ZNF569: variants seen among roughly 807,000 people sequenced by gnomAD.
ZNF569 encodes zinc finger protein 569, also known as DNA-binding protein.
A neutral mutation model predicts 56.3 loss-of-function variants in ZNF569; 38 were observed. That is an observed-to-expected ratio of 0.68 (90% CI 0.52 to 0.88). The LOEUF (loss-of-function observed/expected upper bound fraction) is 0.88. ZNF569 is among the 40% of genes least tolerant of loss of function. The probability of loss-of-function intolerance (pLI) is 0.00; values close to 1 mark genes in which losing one functional copy is unlikely to be tolerated. For synonymous variants in ZNF569, 241 were observed against 262.9 expected (o/e 0.92, Z 0.81); for missense variants, 666 against 809.2 (o/e 0.82, Z 2.15).
intron 3 of ZNF569, among the ~76,000 whole-genome samples, chr19:37,432,180 C>T (rs1345737521): frequency 6.6e-6 from 1 of 152,168 alleles, no homozygotes; most frequent in Non-Finnish European, 1.5e-5. Context: ...CTTCAGTGAA[C>T]ACAGGTGATA....
At chr19:37,425,999 T>A in intron 4 of ZNF569, 36 bp from the exon 5 acceptor site, 1 of 1,603,706 alleles carries the variant, frequency 6.2e-7, no homozygotes, top group South Asian at 1.1e-5. Context: ...TGGGCATACA[T>A]ACTAGGAACA....
intron 5 of ZNF569, among the ~76,000 whole-genome samples, chr19:37,421,199 G>T (rs956118856): frequency 6.6e-6 from 1 of 152,120 alleles, no homozygotes; most frequent in Non-Finnish European, 1.5e-5. Flanking sequence ...AGGGCCCTAG[G>T]ATTTTCAGAA....
At chr19:37,440,458 G>C (rs1214600502) in intron 3 of ZNF569, among the ~76,000 whole-genome samples, 1 of 152,102 alleles carries the variant, frequency 6.6e-6, no homozygotes, top group East Asian at 1.9e-4. Context: ...TGGGTATGGG[G>C]TTTTATTTTG....
chr19:37,446,031 C>T (rs2041487450), intron 2 of ZNF569, among the ~76,000 whole-genome samples: 1 of 152,114 alleles, frequency 6.6e-6, no homozygotes, highest in African/African-American at 2.4e-5. Flanking sequence ...GGAGGCATTA[C>T]ATTATCTGAC....
chr19:37,461,836 T>A (rs1469709766), intron 2 of ZNF569, among the ~76,000 whole-genome samples: 1 of 152,200 alleles, frequency 6.6e-6, no homozygotes, highest in South Asian at 2.1e-4. Flanking sequence ...CTTTGCTTCA[T>A]GAAACCAACA....
chr19:37,468,556 C>T (rs996975883), upstream of ZNF569, among the ~76,000 whole-genome samples: 4 of 152,156 alleles, frequency 2.6e-5, no homozygotes, highest in South Asian at 4.1e-4. Flanking sequence ...AGTGCAGTGG[C>T]GCGATCTCGG....
chr19:37,452,071 TTGTGTAGCCTCTA>T (rs1264634569), intron 2 of ZNF569, among the ~76,000 whole-genome samples: 3 of 152,204 alleles, frequency 2.0e-5, no homozygotes, highest in Admixed American at 6.5e-5. Flanking sequence ...TCTTTCTCTT[TTGTGTAGCCTCTA>T]TGGGTAATTT....
At chr19:37,441,843 C>T (rs2041412072) in intron 3 of ZNF569, among the ~76,000 whole-genome samples, 1 of 152,086 alleles carries the variant, frequency 6.6e-6, no homozygotes, top group Admixed American at 6.5e-5. Context: ...ATTCATCAGC[C>T]ACTGAATGTC....
At chr19:37,464,225 T>C (rs1361878205) in intron 2 of ZNF569, among the ~76,000 whole-genome samples, 1 of 152,194 alleles carries the variant, frequency 6.6e-6, no homozygotes, top group East Asian at 1.9e-4. Context: ...AGTCTCACTC[T>C]GTTGCCCAGG....
intron 3 of ZNF569, among the ~76,000 whole-genome samples, chr19:37,427,161 A>G (rs1600303939): frequency 6.6e-6 from 1 of 152,134 alleles, no homozygotes; most frequent in Admixed American, 6.5e-5. Flanking sequence ...TACAAAAAAT[A>G]CAAAAATTAG....
At chr19:37,439,821 C>T (rs1350335455) in intron 3 of ZNF569, among the ~76,000 whole-genome samples, 1 of 152,188 alleles carries the variant, frequency 6.6e-6, no homozygotes, top group Non-Finnish European at 1.5e-5. Context: ...ACAAAGCTCA[C>T]ATGTTCTCAC....
At chr19:37,437,906 T>C (rs1246781604) in intron 3 of ZNF569, among the ~76,000 whole-genome samples, 1 of 120,612 alleles carries the variant, frequency 8.3e-6, no homozygotes, top group Non-Finnish European at 2.1e-5. Context: ...CCTAAAGCAA[T>C]CTATAGATTC....
In ZNF569 at chr19:37,444,903, T is replaced by C. The variant is rs1240236991; in HGVS notation, c.15+4A>G. 2 of 1,606,762 alleles carry C rather than the reference T, an allele frequency of 1.2e-6. No individual in the cohort carries two copies. Among genetic ancestry groups the C allele is most frequent in the South Asian group, 2.2e-5 (2 of 89,604 alleles). On this transcript the variant is annotated splice_donor_region_variant and intron_variant, in intron 3 of 5. Transcript: ENST00000316950. ...AAGAAACAAATACACTATTTAACAT[T>C]TACCTGGGACTCAGTCATTTCCTCT...
At chr19:37,440,506 G>A (rs1476061059) in intron 3 of ZNF569, among the ~76,000 whole-genome samples, 1 of 152,000 alleles carries the variant, frequency 6.6e-6, no homozygotes, top group Non-Finnish European at 1.5e-5. Context: ...TAGAGGTGGT[G>A]GCTATACAAC....
chr19:37,451,322 C>T (rs1245069255), intron 2 of ZNF569, among the ~76,000 whole-genome samples: 1 of 151,270 alleles, frequency 6.6e-6, no homozygotes, highest in South Asian at 2.1e-4. Flanking sequence ...ATCACTTGAA[C>T]CCGGGAGGCG....
rs1256504883 is a variant in ZNF569, at chr19:37,467,066, G to A, written c.-205+18C>T. 6.6e-6 allele frequency: 1 copy of A among 152,288 alleles called. No individual in the cohort carries two copies. The highest frequency in any genetic ancestry group is 6.5e-5 in the Admixed American group (1 of 15,274). 9.4% of individuals were successfully genotyped at this position (152,288 alleles called of 1,614,324 possible). On this transcript the variant is annotated intron_variant, in intron 1 of 5. Coordinates refer to ENST00000316950, the MANE Select transcript of ZNF569 (RefSeq NM_152484.3). ...AAAGAGTCCGGCGCTCAGAGCTAGC[G>A]GTTTCCCGAGGACTCACCACCAAGC...
intron 3 of ZNF569, among the ~76,000 whole-genome samples, chr19:37,432,916 T>C (rs2041248971): frequency 6.7e-6 from 1 of 149,918 alleles, no homozygotes; most frequent in African/African-American, 2.5e-5. Flanking sequence ...TTTTTTTTTT[T>C]TTTTTTTTTG....
At chr19:37,441,879 C>A (rs1434985090) in intron 3 of ZNF569, among the ~76,000 whole-genome samples, 4 of 152,136 alleles carry the variant, frequency 2.6e-5, no homozygotes, top group Admixed American at 6.6e-5. Flanking sequence ...GCTAAATCAT[C>A]CAGCATATAC....
intron 5 of ZNF569, among the ~76,000 whole-genome samples, chr19:37,421,742 A>AC (rs1237926983): frequency 8.5e-6 from 1 of 118,030 alleles, no homozygotes; most frequent in East Asian, 2.4e-4. Context: ...CTGTAGTGGC[A>AC]CTTTTTTTTT....
Sources: allele counts gnomAD v4.1 joint callset (sites outside exome capture counted in the v4.1 genomes callset), GRCh38; gene constraint gnomAD v4.1.1; transcripts MANE v1.5; gene names NCBI Gene and HGNC (gene_info 2026-07-23, HGNC 2026-07-21).